The following EXD3 variants were observed in gnomAD, a reference collection of about 807,000 sequenced individuals.
The protein encoded by EXD3 is exonuclease mut-7 homolog.
In EXD3, 92 loss-of-function variants were observed where a neutral mutation model predicts 98.0. The ratio of observed to expected loss-of-function variants is 0.94; its 90% CI spans 0.79 to 1.12. The LOEUF is 1.12. Among genes scored for constraint, EXD3 ranks in the 50% most tolerant of loss-of-function variants. The probability of loss-of-function intolerance (pLI) is 0.00; values close to 1 mark genes in which losing one functional copy is unlikely to be tolerated. For synonymous variants in EXD3, 569 were observed against 526.0 expected (o/e 1.08, Z -1.12); for missense variants, 1,222 against 1,191.6 (o/e 1.03, Z -0.38).
intron 19 of EXD3, among the ~76,000 whole-genome samples, chr9:137,312,626 G>C (rs1292451142): frequency 6.6e-6 from 1 of 152,218 alleles, no homozygotes; most frequent in Non-Finnish European, 1.5e-5. Flanking sequence ...GAGGGAAAGA[G>C]CTGCTCAGCC....
Position 137,332,684 on chromosome 9 carries a change from AG to A in EXD3, c.1999-8542del, listed in dbSNP as rs745748347. Among the ~76,000 whole-genome samples, 34 of 151,562 alleles carry A rather than the reference AG, an allele frequency of 2.2e-4. No homozygotes were observed. In the East Asian group the frequency reaches 2.9e-3, roughly 13 times the overall value. ...CAGTGAAACCCCGTCTCTACTAAAAAGCACAAAAAAACTAGCCATGCATGGT... is the reference window on the plus strand; with the variant it reads ...CAGTGAAACCCCGTCTCTACTAAAAACACAAAAAAACTAGCCATGCATGGT... On this transcript the variant is annotated intron_variant, in intron 17 of 21. Transcript: ENST00000340951.
At chr9:137,418,112 C>T (rs868529581) in intron 1 of EXD3, among the ~76,000 whole-genome samples, 4 of 152,090 alleles carry the variant, frequency 2.6e-5, no homozygotes, top group South Asian at 2.1e-4. Flanking sequence ...TTTGGGAGGC[C>T]GAGGCGGGCG....
intron 1 of EXD3, among the ~76,000 whole-genome samples, chr9:137,412,489 G>A (rs574735683): frequency 1.3e-5 from 2 of 152,226 alleles, no homozygotes; most frequent in East Asian, 1.9e-4. Flanking sequence ...GGTGCCCACC[G>A]GGGCCCTTCC....
chr9:137,355,347 T>A (rs1392657303), intron 8 of EXD3, among the ~76,000 whole-genome samples: 3 of 151,462 alleles, frequency 2.0e-5, no homozygotes, highest in Non-Finnish European at 4.4e-5. Flanking sequence ...TGCCGACCTT[T>A]CAGGGCCCCA....
intron 19 of EXD3, among the ~76,000 whole-genome samples, chr9:137,320,754 C>T (rs1831987690): frequency 6.6e-6 from 1 of 152,210 alleles, no homozygotes; most frequent in South Asian, 2.1e-4. Context: ...CAGGGGCACT[C>T]CCCAGCACCC....
At chr9:137,375,943 T>G (rs1835876419) in intron 3 of EXD3, among the ~76,000 whole-genome samples, 1 of 152,186 alleles carries the variant, frequency 6.6e-6, no homozygotes, top group Non-Finnish European at 1.5e-5. Flanking sequence ...GACATCGATT[T>G]GGGAATGTGT....
rs1036803101 is a variant in EXD3 at position 137,342,424 on chromosome 9, C to T, written c.1998+5647G>A. On this transcript the variant is annotated intron_variant, in intron 17 of 21. Coordinates refer to ENST00000340951, the MANE Select transcript of EXD3 (RefSeq NM_017820.5). The stretch of plus-strand genomic sequence containing the variant: ...GAAACAGGGCTCAGGCACCAGGAGC[C>T]GTCTCCCAGGGGAGTCCTGTAGGAT... 2.0e-5 allele frequency among the ~76,000 whole-genome samples: 3 copies of T among 152,028 alleles called. 1 individual carries two copies. Among genetic ancestry groups the T allele is most frequent in the South Asian group, 4.1e-4 (2 of 4,826 alleles).
At chr9:137,333,772 A>G (rs754661030) in intron 17 of EXD3, among the ~76,000 whole-genome samples, 1 of 152,230 alleles carries the variant, frequency 6.6e-6, no homozygotes, top group African/African-American at 2.4e-5. Context: ...TACAGCCTCC[A>G]GAACCATAAG....
chr9:137,371,444 G>A lies in EXD3; in HGVS notation c.462+1461C>T, dbSNP rs539969054. ...CCGGCCAGGGCAGCCCCCGATGCCC[G>A]TGCCCAGGTTCCAATGCACCTCCTC... On this transcript the variant is annotated intron_variant, in intron 5 of 21. Coordinates refer to ENST00000340951, the MANE Select transcript of EXD3 (RefSeq NM_017820.5). The surrounding 1 kb of genome is among the most constrained non-coding windows in gnomAD (Gnocchi z 8.0). Among the ~76,000 whole-genome samples, 107 of 152,222 alleles carry A rather than the reference G, an allele frequency of 7.0e-4. No homozygotes were observed. The highest frequency in any genetic ancestry group is 2.4e-3 in the African/African-American group (98 of 41,540).
intron 13 of EXD3, 53 bp downstream of exon 13, chr9:137,351,265 G>C: frequency 6.4e-7 from 1 of 1,563,968 alleles, no homozygotes; most frequent in South Asian, 1.2e-5. Flanking sequence ...TCAGGCAGGG[G>C]TGCGGGCTGC....
At chr9:137,309,208 G>A (rs964683081) in intron 20 of EXD3, among the ~76,000 whole-genome samples, 12 of 152,236 alleles carry the variant, frequency 7.9e-5, no homozygotes, top group African/African-American at 2.9e-4. Flanking sequence ...AGGGAAACAG[G>A]CTGGGGCCTT....
intron 3 of EXD3, among the ~76,000 whole-genome samples, chr9:137,374,386 C>T (rs538379201): frequency 5.9e-5 from 9 of 152,362 alleles, no homozygotes; most frequent in South Asian, 4.1e-4. Context: ...GATGCGCCCC[C>T]AGAGGCCCAG....
intron 19 of EXD3, among the ~76,000 whole-genome samples, chr9:137,318,330 C>A (rs1426933847): frequency 2.0e-5 from 3 of 152,138 alleles, no homozygotes; most frequent in Non-Finnish European, 4.4e-5. Context: ...GGCACCCCCC[C>A]TCGTCCCCCC....
chr9:137,418,637 G>A (rs1057159866), intron 1 of EXD3, among the ~76,000 whole-genome samples: 1 of 152,124 alleles, frequency 6.6e-6, no homozygotes, highest in Non-Finnish European at 1.5e-5. Context: ...ATATGTAACT[G>A]AAACTACTAA....
At chr9:137,333,968 G>A (rs1431470624) in intron 17 of EXD3, among the ~76,000 whole-genome samples, 3 of 151,556 alleles carry the variant, frequency 2.0e-5, no homozygotes, top group African/African-American at 4.9e-5. Context: ...TCAGCCTCCC[G>A]AGTAGCTGAG....
intron 10 of EXD3, chr9:137,353,892 C>A (rs1389456279): frequency 2.6e-5 from 26 of 992,530 alleles, no homozygotes; most frequent in Non-Finnish European, 2.5e-5. Context: ...TGGGTTCCCA[C>A]GTGGACGACA....
intron 2 of EXD3, among the ~76,000 whole-genome samples, chr9:137,391,432 G>A (rs1836902600): frequency 6.6e-6 from 1 of 152,244 alleles, no homozygotes; most frequent in Admixed American, 6.5e-5. Context: ...GGAAGCCAGG[G>A]CAGCCTCAGC....
At chr9:137,313,316 C>G (rs546093888) in intron 19 of EXD3, among the ~76,000 whole-genome samples, 1 of 152,118 alleles carries the variant, frequency 6.6e-6, no homozygotes, top group Non-Finnish European at 1.5e-5. Context: ...TGGGCCTGGG[C>G]AGAGGTGACC....
intron 19 of EXD3, among the ~76,000 whole-genome samples, chr9:137,314,605 CCT>C (rs1831539951): frequency 1.3e-5 from 2 of 152,152 alleles, no homozygotes; most frequent in East Asian, 1.9e-4. Context: ...CCCCTTGCCC[CCT>C]GTCCCCCCGC....
Sources: allele counts gnomAD v4.1 joint callset (sites outside exome capture counted in the v4.1 genomes callset), GRCh38; gene constraint gnomAD v4.1.1; non-coding constraint Gnocchi (gnomAD v3.1); transcripts MANE v1.5; gene names NCBI Gene and HGNC (gene_info 2026-07-23, HGNC 2026-07-21).